The following EIF5B variants were observed in gnomAD, a reference collection of about 807,000 sequenced individuals.
EIF5B encodes the protein eIF-5B.
In EIF5B, 47 loss-of-function variants were observed where a neutral mutation model predicts 147.5. The ratio of observed to expected loss-of-function variants is 0.32; its 90% confidence interval spans 0.25 to 0.41. The LOEUF is 0.41. EIF5B is among the 10% of genes least tolerant of loss of function. The pLI, the probability that EIF5B is intolerant of heterozygous loss-of-function variation, is 1.00. For synonymous variants in EIF5B, 455 were observed against 456.2 expected (o/e 1.00, Z 0.03); for missense variants, 1,064 against 1,413.2 (o/e 0.75, Z 3.96).
At position 99,400,077 on chromosome 2, in the gene EIF5B, C is replaced by CT. The variant is rs1478973498; in HGVS notation, c.*664dup. The CT allele has an allele frequency of 6.6e-6, 1 of 152,262 alleles. No individual in the cohort carries two copies. Among genetic ancestry groups the CT allele is most frequent in the African/African-American group, 2.4e-5 (1 of 41,464 alleles). 9.4% of individuals were successfully genotyped at this position (152,262 alleles called of 1,614,324 possible). On this transcript the variant is annotated 3_prime_UTR_variant, in exon 24 of 24. Transcript: ENST00000289371. ...ACAGACATCCACCAGTAAGCAAGCT[C>CT]TGTTAGGCTTCCATGTTAGTGTAGC...
chr2:99,342,387 T>C (rs2094261674), intron 1 of EIF5B, among the ~76,000 whole-genome samples: 1 of 152,230 alleles, frequency 6.6e-6, no homozygotes, highest in Admixed American at 6.5e-5. Flanking sequence ...TTTAAGCACT[T>C]GAGTGCCAGA....
At chr2:99,345,155 A>C (rs1249002523) in intron 1 of EIF5B, among the ~76,000 whole-genome samples, 1 of 152,216 alleles carries the variant, frequency 6.6e-6, no homozygotes, top group Non-Finnish European at 1.5e-5. Flanking sequence ...TATGATCAAA[A>C]GTACAGTAAT....
At position 99,390,098 on chromosome 2, in the gene EIF5B, T is replaced by C. The variant is rs978336403; in HGVS notation, c.2404-121T>C. 5.0e-6 allele frequency: 6 copies of C among 1,197,988 alleles called. No individual in the cohort carries two copies. In the Admixed American group the frequency reaches 1.1e-4, roughly 21 times the overall value. The allele number at this position is 1,197,988 out of a possible 1,614,324, so 74.2% of individuals were successfully genotyped here. On this transcript the variant is annotated intron_variant, in intron 15 of 23. Coordinates refer to ENST00000289371, the MANE Select transcript of EIF5B (RefSeq NM_015904.4). ...GCTTATAGGATATACATGATCATTT[T>C]TAGTGTTTATGAGGAGTTTCAAAAT...
At chr2:99,374,288 TAAAAAA>T (rs33936603) in intron 9 of EIF5B, among the ~76,000 whole-genome samples, 20 of 108,758 alleles carry the variant, frequency 1.8e-4, no homozygotes, top group African/African-American at 6.7e-4. Flanking sequence ...GACTCTTACC[TAAAAAA>T]AAAAAAAAAA....
At chr2:99,391,460 G>T (rs922732720) in intron 17 of EIF5B, among the ~76,000 whole-genome samples, 8 of 152,166 alleles carry the variant, frequency 5.3e-5, no homozygotes, top group African/African-American at 1.9e-4. Context: ...TAGAAGAAAA[G>T]TTTAACACAT....
chr2:99,390,156 G>C, intron 15 of EIF5B, 63 bp from the exon 16 acceptor site: 1 of 1,585,284 alleles, frequency 6.3e-7, no homozygotes, highest in South Asian at 1.1e-5. Flanking sequence ...CTTCTAGTGA[G>C]GCACACCTAT....
rs554816433 is a variant in EIF5B at position 99,355,411 on chromosome 2, T to C, written c.36-4825T>C. Among the ~76,000 whole-genome samples the C allele has an allele frequency of 2.0e-5, 3 of 152,292 alleles. 1 individual carries two copies. In the South Asian group the frequency reaches 6.2e-4, roughly 32 times the overall value. On this transcript the variant is annotated intron_variant, in intron 1 of 23. Transcript: ENST00000289371. Reference sequence around the variant, plus strand: ...TTGTCATCTTTACTGTGTTGAGTCTTATAGCCCATGAACATGGCATGTCTC... The same window carrying C: ...TTGTCATCTTTACTGTGTTGAGTCTCATAGCCCATGAACATGGCATGTCTC...
intron 22 of EIF5B, 139 bp from the exon 23 acceptor site, chr2:99,398,609 C>T (rs987533344): frequency 2.3e-6 from 2 of 851,478 alleles, no homozygotes; most frequent in Admixed American, 3.0e-5. Context: ...AATGTTACAC[C>T]GTGAGTGATG....
chr2:99,390,331 T>C lies in EIF5B; in HGVS notation c.2516T>C (p.Val839Ala), dbSNP rs774956149. Reference sequence around the variant, plus strand: ...ATGGGAAGTCTGATCTACCTTCTTGTAGAGTTAACTCAGACCATGTTGAGC... The same window carrying C: ...ATGGGAAGTCTGATCTACCTTCTTGCAGAGTTAACTCAGACCATGTTGAGC... ...DGMGSLIYLL[V>A]ELTQTMLSKR... Residue 839 changes from valine (V) to alanine (A), a missense_variant, in exon 16 of 24, where the codon GTA (valine) becomes GCA (alanine). Around this residue, in one of 4 missense-constraint regions of EIF5B, gnomAD observed 380 missense variants for 715.6 expected, o/e 0.53. Transcript: ENST00000289371. The C allele has an allele frequency of 1.7e-5, 28 of 1,613,958 alleles. No individual in the cohort carries two copies. Among genetic ancestry groups the C allele is most frequent in the Non-Finnish European group, 2.0e-5 (24 of 1,180,032 alleles).
chr2:99,384,894 A>T (rs1005646877), intron 14 of EIF5B, among the ~76,000 whole-genome samples: 1 of 152,194 alleles, frequency 6.6e-6, no homozygotes, highest in Non-Finnish European at 1.5e-5. Context: ...TGGTGAGGGT[A>T]TTGTGAACAT....
chr2:99,389,867 CT>C lies in EIF5B; in HGVS notation c.2403+21del. ...CACAGCAGGTAAGAAGGCCTTCCTTCTTTCTGAAGAGCCTATCTCAGAATAT... is the reference window on the plus strand; with the variant it reads ...CACAGCAGGTAAGAAGGCCTTCCTTCTTCTGAAGAGCCTATCTCAGAATAT... On this transcript the variant is annotated intron_variant, in intron 15 of 23. Coordinates refer to ENST00000289371, the MANE Select transcript of EIF5B (RefSeq NM_015904.4). 1 of 1,594,090 alleles carries C rather than the reference CT, an allele frequency of 6.3e-7. No individual in the cohort carries two copies. Among genetic ancestry groups the C allele is most frequent in the Non-Finnish European group, 8.5e-7 (1 of 1,174,316 alleles).
At chr2:99,346,461 A>G (rs2094273553) in intron 1 of EIF5B, among the ~76,000 whole-genome samples, 1 of 152,208 alleles carries the variant, frequency 6.6e-6, no homozygotes, top group African/African-American at 2.4e-5. Context: ...CAGGCACTAT[A>G]CAAGTTAGGT....
chr2:99,390,088 A>G (rs1674892479), intron 15 of EIF5B, 131 bp from the exon 16 acceptor site: 7 of 1,152,970 alleles, frequency 6.1e-6, no homozygotes, highest in South Asian at 1.5e-5. Flanking sequence ...TAGGATATAC[A>G]TGATCATTTT....
chr2:99,368,367 C>A, intron 6 of EIF5B, 126 bp from the exon 7 acceptor site: 1 of 713,244 alleles, frequency 1.4e-6, no homozygotes, highest in South Asian at 1.8e-5. Context: ...CAAGTTTTTC[C>A]ATGAATATCC....
At chr2:99,356,615 T>TTG (rs778421515) in intron 1 of EIF5B, among the ~76,000 whole-genome samples, 2 of 152,060 alleles carry the variant, frequency 1.3e-5, no homozygotes, top group Non-Finnish European at 2.9e-5. Context: ...AGACTCAACA[T>TTG]TGTGTGTGTG....
chr2:99,381,116 G>C (rs571169457), intron 12 of EIF5B, among the ~76,000 whole-genome samples: 4 of 152,172 alleles, frequency 2.6e-5, no homozygotes, highest in African/African-American at 9.6e-5. Flanking sequence ...TTTTATTTTA[G>C]AACAGTTTTC....
rs370463251 is a variant in EIF5B, at chr2:99,376,472, A to C, written c.1678A>C (p.Ser560Arg). ...EEEEEGESEG[S>R]EGDEEDEKVS... ...GGAAGAGGAGGGAGAAAGTGAAGGC[A>C]GTGAAGGTGATGAGGAAGATGAAAA... The change falls in exon 10 of 24, where the codon AGT (serine) becomes CGT (arginine). Residue 560 changes from serine (S) to arginine (R), a missense_variant. Physicochemically the swap from Ser to Arg is moderately radical, Grantham distance 110. Coordinates refer to ENST00000289371, the MANE Select transcript of EIF5B (RefSeq NM_015904.4). The C allele has an allele frequency of 3.2e-5, 51 of 1,609,428 alleles. No individual in the cohort carries two copies. Among genetic ancestry groups the C allele is most frequent in the Non-Finnish European group, 3.9e-5 (46 of 1,175,926 alleles).
intron 1 of EIF5B, among the ~76,000 whole-genome samples, chr2:99,353,863 A>AT (rs1414466500): frequency 6.6e-6 from 1 of 152,214 alleles, no homozygotes; most frequent in Non-Finnish European, 1.5e-5. Flanking sequence ...TCAATGGTTC[A>AT]TTCCATTTTA....
At chr2:99,342,049 A>G (rs2094260746) in intron 1 of EIF5B, among the ~76,000 whole-genome samples, 1 of 152,216 alleles carries the variant, frequency 6.6e-6, no homozygotes, top group Non-Finnish European at 1.5e-5. Context: ...AATGAATTTG[A>G]GGACTGCTGG....
Sources: allele counts gnomAD v4.1 joint callset (sites outside exome capture counted in the v4.1 genomes callset), GRCh38; gene constraint gnomAD v4.1.1; regional missense constraint gnomAD v4.1.1; transcripts MANE v1.5; gene names NCBI Gene and HGNC (gene_info 2026-07-23, HGNC 2026-07-21).